The following PRKN variants were observed in gnomAD, a reference collection of about 807,000 sequenced individuals.
The protein encoded by PRKN is E3 ubiquitin-protein ligase parkin.
A neutral mutation model predicts 59.5 loss-of-function variants in PRKN; 56 were observed. The ratio of observed to expected loss-of-function variants is 0.94; its 90% CI spans 0.76 to 1.18. PRKN has a LOEUF of 1.18. Ranked by LOEUF, PRKN falls within the 50% of genes most tolerant of loss-of-function variation. The pLI, the probability that PRKN is intolerant of heterozygous loss-of-function variation, is 0.00. For missense variants in PRKN, 657 were observed against 596.4 expected (o/e 1.10, Z -1.06); for synonymous variants, 250 against 222.1 (o/e 1.13, Z -1.12).
intron 1 of PRKN, among the ~76,000 whole-genome samples, chr6:162,610,971 T>C (rs933188755): frequency 2.6e-5 from 4 of 152,170 alleles, no homozygotes; most frequent in Admixed American, 6.6e-5. Context: ...AATATATACT[T>C]AGCATACAGG....
chr6:162,376,115 T>C (rs540762643), intron 2 of PRKN, among the ~76,000 whole-genome samples: 1 of 152,258 alleles, frequency 6.6e-6, no homozygotes, highest in Admixed American at 6.5e-5. Flanking sequence ...GACTAGATTC[T>C]GTCTCCCTCA....
chr6:162,407,909 A>G (rs1788154125), intron 2 of PRKN, among the ~76,000 whole-genome samples: 1 of 151,770 alleles, frequency 6.6e-6, no homozygotes, highest in Admixed American at 6.6e-5. Context: ...GGGCCCAGGT[A>G]TTTTACACAT....
chr6:162,151,937 G>T (rs1397033004), intron 4 of PRKN, among the ~76,000 whole-genome samples: 1 of 152,094 alleles, frequency 6.6e-6, no homozygotes, highest in Non-Finnish European at 1.5e-5. Context: ...GAAAGTGCTT[G>T]TGAAAAACAT....
At chr6:162,705,935 T>G (rs1207212941) in intron 1 of PRKN, among the ~76,000 whole-genome samples, 1 of 152,134 alleles carries the variant, frequency 6.6e-6, no homozygotes, top group Admixed American at 6.5e-5. Flanking sequence ...CTTCTATTTA[T>G]TCAGAGAGCA....
chr6:162,021,121 T>C lies in PRKN; in HGVS notation c.618+32970A>G, dbSNP rs1193270155. On this transcript the variant is annotated intron_variant, in intron 5 of 11. Transcript: ENST00000366898. ...CTGTCTCAAAAAAAAAACAAAAACA[T>C]ATATATATATATATATATATATATA... Among the ~76,000 whole-genome samples, 9 of 2,906 alleles carry C rather than the reference T, an allele frequency of 3.1e-3. 2 individuals are homozygous for C. The highest frequency in any genetic ancestry group is 0.022 in the African/African-American group (5 of 228). 1.9% of individuals were successfully genotyped at this position (2,906 alleles called of 152,430 possible). A position where few individuals can be genotyped will look rare whatever the true frequency, so the allele number is the denominator to read the frequency against.
chr6:161,733,847 T>C (rs1024108916), intron 7 of PRKN, among the ~76,000 whole-genome samples: 3 of 145,790 alleles, frequency 2.1e-5, no homozygotes, highest in Admixed American at 6.8e-5. Flanking sequence ...TGACACAGAA[T>C]GTGTAAGTGC....
At chr6:161,886,463 G>A (rs1311864861) in intron 6 of PRKN, among the ~76,000 whole-genome samples, 3 of 152,232 alleles carry the variant, frequency 2.0e-5, no homozygotes, top group African/African-American at 4.8e-5. Context: ...ATAGGAGGCC[G>A]AGGCGGGCGG....
At chr6:162,273,339 A>G (rs1780477908) in intron 2 of PRKN, among the ~76,000 whole-genome samples, 1 of 152,148 alleles carries the variant, frequency 6.6e-6, no homozygotes, top group South Asian at 2.1e-4. Flanking sequence ...AAATCACAAC[A>G]ATACTTACTA....
At chr6:161,501,396 CT>C (rs1237119933) in intron 9 of PRKN, among the ~76,000 whole-genome samples, 3 of 152,110 alleles carry the variant, frequency 2.0e-5, no homozygotes, top group Non-Finnish European at 2.9e-5. Context: ...TTTTCATATG[CT>C]TTTTTGCATC....
chr6:161,387,059 C>G (rs1309049661), intron 9 of PRKN, among the ~76,000 whole-genome samples, 182 bp from the exon 10 acceptor site: 1 of 152,098 alleles, frequency 6.6e-6, no homozygotes, highest in Non-Finnish European at 1.5e-5. Flanking sequence ...ACTCTTTACT[C>G]AAGAGTGTTC....
At chr6:162,652,906 GC>G (rs1274644651) in intron 1 of PRKN, among the ~76,000 whole-genome samples, 1 of 152,128 alleles carries the variant, frequency 6.6e-6, no homozygotes, top group Admixed American at 6.6e-5. Context: ...AGTATTCTGA[GC>G]ATCTTTTTCA....
At chr6:162,346,070 C>T (rs1370976057) in intron 2 of PRKN, among the ~76,000 whole-genome samples, 2 of 152,100 alleles carry the variant, frequency 1.3e-5, no homozygotes, top group East Asian at 1.9e-4. Context: ...ACCATTGCCA[C>T]GTTCTAGGAC....
intron 9 of PRKN, among the ~76,000 whole-genome samples, chr6:161,543,660 A>G (rs1583210514): frequency 6.6e-6 from 1 of 152,326 alleles, no homozygotes; most frequent in South Asian, 2.1e-4. Flanking sequence ...CAGTTGCCAC[A>G]TTTTGTTTCT....
chr6:162,158,778 G>A (rs762225707), intron 4 of PRKN, among the ~76,000 whole-genome samples: 2 of 151,654 alleles, frequency 1.3e-5, no homozygotes, highest in South Asian at 2.1e-4. Flanking sequence ...TCCTCCTCCC[G>A]CCTTCATCCA....
rs541034142 is a variant in PRKN, at chr6:161,660,982, A to T, written c.872-91566T>A. Among the ~76,000 whole-genome samples the T allele has an allele frequency of 3.3e-5, 5 of 152,206 alleles. No homozygotes were observed. The South Asian group carries it at 1.0e-3, about 32-fold the overall frequency. On this transcript the variant is annotated intron_variant, in intron 7 of 11. Transcript: ENST00000366898. ...CATCTTTCACTCTGCTGCCTGTCTC[A>T]TGCCAGTATCTAACCCACATACCTC...
At chr6:161,877,371 C>T (rs2128228642) in intron 6 of PRKN, among the ~76,000 whole-genome samples, 1 of 152,264 alleles carries the variant, frequency 6.6e-6, no homozygotes, top group Non-Finnish European at 1.5e-5. Flanking sequence ...CAGGGAAACA[C>T]CTCTCCAAAT....
At chr6:162,706,443 C>CTATTT (rs921893110) in intron 1 of PRKN, among the ~76,000 whole-genome samples, 1 of 152,160 alleles carries the variant, frequency 6.6e-6, no homozygotes, top group African/African-American at 2.4e-5. Context: ...GCTTCATCTG[C>CTATTT]TATTTTAGCC....
intron 2 of PRKN, among the ~76,000 whole-genome samples, chr6:162,352,424 A>G (rs1388768237): frequency 6.6e-6 from 1 of 152,164 alleles, no homozygotes; most frequent in Non-Finnish European, 1.5e-5. Flanking sequence ...TAGACTGCTG[A>G]AGACTGTTGA....
chr6:161,756,909 C>A (rs1788950904), intron 7 of PRKN, among the ~76,000 whole-genome samples: 1 of 152,088 alleles, frequency 6.6e-6, no homozygotes, highest in African/African-American at 2.4e-5. Flanking sequence ...ATCAGTGACA[C>A]AGAGCGCAGA....
Sources: allele counts gnomAD v4.1 joint callset (sites outside exome capture counted in the v4.1 genomes callset), GRCh38; gene constraint gnomAD v4.1.1; transcripts MANE v1.5; gene names NCBI Gene and HGNC (gene_info 2026-07-23, HGNC 2026-07-21).